The following TMEM132D variants were observed in gnomAD, a reference collection of about 807,000 sequenced individuals.
TMEM132D encodes mature OL transmembrane protein.
TMEM132D carries 21 observed loss-of-function variants against 62.3 expected under a neutral mutation model. The ratio of observed to expected loss-of-function variants is 0.34; its 90% CI spans 0.24 to 0.49. The LOEUF (loss-of-function observed/expected upper bound fraction) is 0.49. Among genes scored for constraint, TMEM132D ranks in the 20% least tolerant of loss-of-function variants. The pLI, the probability that TMEM132D is intolerant of heterozygous loss-of-function variation, is 0.99. For synonymous variants in TMEM132D, 621 were observed against 575.6 expected, an observed-to-expected ratio of 1.08 and a Z score of -1.13; for missense variants, 1,346 against 1,402.8, an observed-to-expected ratio of 0.96 and a Z score of 0.65.
chr12:129,898,649 G>C (rs1243763330), intron 1 of TMEM132D, among the ~76,000 whole-genome samples: 1 of 152,206 alleles, frequency 6.6e-6, no homozygotes, highest in African/African-American at 2.4e-5. Flanking sequence ...TCTGCATCCA[G>C]AGACACTCGC....
At chr12:129,514,253 C>T (rs974338811) in intron 3 of TMEM132D, among the ~76,000 whole-genome samples, 2 of 152,186 alleles carry the variant, frequency 1.3e-5, no homozygotes, top group African/African-American at 4.8e-5. Flanking sequence ...TCGCTGCCAC[C>T]ACCACCACCA....
At chr12:129,828,679 G>T (rs1216065260) in intron 1 of TMEM132D, among the ~76,000 whole-genome samples, 1 of 43,958 alleles carries the variant, frequency 2.3e-5, no homozygotes, top group Non-Finnish European at 5.4e-5. Flanking sequence ...AAGGAAAGAA[G>T]GGAGGAAGGA....
At chr12:129,145,545 C>A (rs900705231) in intron 5 of TMEM132D, among the ~76,000 whole-genome samples, 1 of 152,028 alleles carries the variant, frequency 6.6e-6, no homozygotes, top group East Asian at 1.9e-4. Context: ...AGCTGTCAGG[C>A]GATGATCCCA....
Position 129,779,217 on chromosome 12 carries a change from G to C in TMEM132D, c.80-78519C>G, listed in dbSNP as rs777014248. On this transcript the variant is annotated intron_variant, in intron 1 of 8. Coordinates refer to ENST00000422113, the MANE Select transcript of TMEM132D (RefSeq NM_133448.3). This position sits in a 1 kb window ranked among gnomAD's most constrained non-coding sequence, Gnocchi z 4.1. ...GCCCCATTTGATGCTTTAACATGCA[G>C]AGTAGAACGGCTACACCCAGCTACA... Among the ~76,000 whole-genome samples, 5 of 152,236 alleles carry C rather than the reference G, an allele frequency of 3.3e-5. No individual in the cohort carries two copies. The highest frequency in any genetic ancestry group is 5.9e-5 in the Non-Finnish European group (4 of 68,052).
intron 5 of TMEM132D, among the ~76,000 whole-genome samples, chr12:129,147,998 T>G (rs1015940492): frequency 5.3e-5 from 8 of 152,174 alleles, no homozygotes; most frequent in African/African-American, 1.9e-4. Context: ...CCCATGCGCT[T>G]AAACAGGATG....
chr12:129,147,591 C>T (rs1341161159), intron 5 of TMEM132D, among the ~76,000 whole-genome samples: 1 of 152,122 alleles, frequency 6.6e-6, no homozygotes, highest in Non-Finnish European at 1.5e-5. Flanking sequence ...CCCTCCAGTA[C>T]AAGACCCAGC....
At chr12:129,662,778 C>G (rs1463464262) in intron 2 of TMEM132D, among the ~76,000 whole-genome samples, 6 of 88,188 alleles carry the variant, frequency 6.8e-5, no homozygotes, top group African/African-American at 2.8e-4. Flanking sequence ...GGCGACAGAG[C>G]AAGATTCCAT....
chr12:129,154,021 A>C (rs765994299), intron 5 of TMEM132D, among the ~76,000 whole-genome samples: 5 of 152,210 alleles, frequency 3.3e-5, no homozygotes, highest in Non-Finnish European at 5.9e-5. Flanking sequence ...TTCATTTTCA[A>C]AATCTTCTCT....
rs764438255 is a variant in TMEM132D, at chr12:129,700,147, C to G, written c.631G>C (p.Gly211Arg). Residue 211 changes from glycine to arginine, a missense_variant, in exon 2 of 9, where the codon GGG (glycine) becomes CGG (arginine). Gly to Arg is a moderately radical substitution (Grantham distance 125). Transcript: ENST00000422113. Reference sequence around the variant, plus strand: ...GGCTGGTCCACGGACTTCCTCCTCCCGGCAACCACCGTGGGGGGGCTGAAC... The same window carrying G: ...GGCTGGTCCACGGACTTCCTCCTCCGGGCAACCACCGTGGGGGGGCTGAAC... ...SWFSPPTVVA[G>R]RRKSVDQPEG... is the part of the protein sequence containing the mutation. The G allele has an allele frequency of 6.2e-7, 1 of 1,613,172 alleles. No homozygotes were observed.
chr12:129,275,288 T>TATAAA (rs1214662734), intron 4 of TMEM132D, among the ~76,000 whole-genome samples: 9 of 151,840 alleles, frequency 5.9e-5, no homozygotes, highest in Non-Finnish European at 1.3e-4. Context: ...CTCTAAAAAA[T>TATAAA]ATAAAATAAA....
At chr12:129,094,843 T>C (rs1020198645) in intron 5 of TMEM132D, among the ~76,000 whole-genome samples, 1 of 152,126 alleles carries the variant, frequency 6.6e-6, no homozygotes, top group Non-Finnish European at 1.5e-5. Flanking sequence ...CATGGAATAC[T>C]ATGCAGCCAT....
At chr12:129,309,700 G>A (rs779500878) in intron 4 of TMEM132D, among the ~76,000 whole-genome samples, 59 of 152,008 alleles carry the variant, frequency 3.9e-4, no homozygotes, top group Non-Finnish European at 4.4e-5. Context: ...GCAAGGTGTC[G>A]TATAGATAGA....
rs578113483 is a variant in TMEM132D, at chr12:129,460,147, C to T, written c.1115+70912G>A. Among the ~76,000 whole-genome samples, 5 of 152,298 alleles carry T rather than the reference C, an allele frequency of 3.3e-5. No homozygotes were observed. The East Asian group carries it at 7.7e-4, about 24-fold the overall frequency. ...ATCAAGACTGACCCATGAAATCATACGGGTTCTACTTCTACGTGCTCCTGT... is the reference window on the plus strand; with the variant it reads ...ATCAAGACTGACCCATGAAATCATATGGGTTCTACTTCTACGTGCTCCTGT... On this transcript the variant is annotated intron_variant, in intron 3 of 8. Transcript: ENST00000422113.
At chr12:129,548,678 G>C (rs753557145) in intron 2 of TMEM132D, among the ~76,000 whole-genome samples, 1 of 151,152 alleles carries the variant, frequency 6.6e-6, no homozygotes, top group Non-Finnish European at 1.5e-5. Context: ...ATGCCTCTTC[G>C]GCTCACACTT....
chr12:129,342,121 A>T (rs1263872891), intron 3 of TMEM132D, among the ~76,000 whole-genome samples: 1 of 152,208 alleles, frequency 6.6e-6, no homozygotes, highest in Non-Finnish European at 1.5e-5. Context: ...TCGCCAAGTC[A>T]ATCCTAAGCC....
intron 1 of TMEM132D, among the ~76,000 whole-genome samples, chr12:129,845,282 A>G (rs1210171432): frequency 2.6e-5 from 4 of 152,240 alleles, no homozygotes; most frequent in African/African-American, 7.2e-5. Context: ...GTTTAAATGC[A>G]GATTTATGTT....
intron 3 of TMEM132D, among the ~76,000 whole-genome samples, chr12:129,513,707 G>C (rs911885400): frequency 6.6e-6 from 1 of 151,278 alleles, no homozygotes; most frequent in African/African-American, 2.4e-5. Flanking sequence ...GGATGGTCTC[G>C]ATCTCCTGAC....
intron 5 of TMEM132D, among the ~76,000 whole-genome samples, chr12:129,121,419 T>C (rs912107281): frequency 4.6e-5 from 7 of 152,256 alleles, no homozygotes; most frequent in African/African-American, 1.7e-4. Context: ...GATTTTAAAA[T>C]AGGGAGATTA....
intron 4 of TMEM132D, among the ~76,000 whole-genome samples, chr12:129,242,048 G>A (rs941185961): frequency 6.6e-6 from 1 of 152,138 alleles, no homozygotes; most frequent in Non-Finnish European, 1.5e-5. Flanking sequence ...TTCGGCCAAG[G>A]GGCACTTAGT....
Sources: gnomAD v4.1 joint callset for allele counts (sites outside exome capture counted in the v4.1 genomes callset) on GRCh38, gnomAD v4.1.1 for gene constraint, Gnocchi (gnomAD v3.1) non-coding constraint, MANE v1.5 for transcripts, NCBI Gene and HGNC (gene_info 2026-07-23, HGNC 2026-07-21) for gene names.